CCNT2: variants seen among roughly 807,000 people sequenced by gnomAD.
CCNT2 encodes the protein cyclin-T2.
CCNT2 carries 18 observed loss-of-function variants against 70.0 expected under a neutral mutation model. The observed-to-expected ratio is 0.26, with a 90% CI of 0.18 to 0.38. The LOEUF (loss-of-function observed/expected upper bound fraction) is 0.38, where lower values mean the gene tolerates loss of function less well. Among genes scored for constraint, CCNT2 ranks in the 10% least tolerant of loss-of-function variants. CCNT2 has a pLI of 1.00. For missense variants in CCNT2, 734 were observed against 890.2 expected, an observed-to-expected ratio of 0.82 and a Z score of 2.23; for synonymous variants, 334 against 313.3, an observed-to-expected ratio of 1.07 and a Z score of -0.70.
rs1683077458 is a variant in CCNT2, at chr2:134,959,179, G to A, written c.*4531G>A. The A allele has an allele frequency of 6.6e-6, 1 of 151,528 alleles. No homozygotes were observed. The highest frequency in any genetic ancestry group is 1.5e-5 in the Non-Finnish European group (1 of 67,872). 9.4% of individuals were successfully genotyped at this position (151,528 alleles called of 1,614,324 possible). Reference sequence around the variant, plus strand: ...ATTTGTTGTAAACAGTGATTGTGGGGTTTCATTTTCTGAATGTACTCAAAA... The same window carrying A: ...ATTTGTTGTAAACAGTGATTGTGGGATTTCATTTTCTGAATGTACTCAAAA... On this transcript the variant is annotated 3_prime_UTR_variant, in exon 9 of 9. Coordinates refer to ENST00000264157, the MANE Select transcript of CCNT2 (RefSeq NM_058241.3).
chr2:134,949,276 C>G (rs1158892219), intron 7 of CCNT2, among the ~76,000 whole-genome samples: 2 of 152,182 alleles, frequency 1.3e-5, no homozygotes, highest in Non-Finnish European at 1.5e-5. Context: ...GCCTCTGTGC[C>G]CCACCTGATG....
At chr2:134,943,355 C>A in intron 5 of CCNT2, 2 of 795,078 alleles carry the variant, frequency 2.5e-6, no homozygotes, top group Non-Finnish European at 3.0e-6. Flanking sequence ...GAGCCCAGAT[C>A]ATGCCCCTGC....
At position 134,942,592 on chromosome 2, in the gene CCNT2, A is replaced by C. The variant is rs1326774742; in HGVS notation, c.431-20A>C. On this transcript the variant is annotated intron_variant, in intron 4 of 8. Transcript: ENST00000264157. ...ACTGTAGTGGTAAGAGATTGGAAAA[A>C]AAAGTGCTTATCATTTCAGGTTTTG... The C allele has an allele frequency of 1.2e-6, 2 of 1,603,402 alleles. No homozygotes were observed. Among genetic ancestry groups the C allele is most frequent in the Non-Finnish European group, 8.5e-7 (1 of 1,173,438 alleles).
intron 7 of CCNT2, among the ~76,000 whole-genome samples, chr2:134,949,448 A>C (rs1682267077): frequency 6.6e-6 from 1 of 152,222 alleles, no homozygotes. Context: ...ACTTTTGTTG[A>C]CAAAAATAGG....
rs764081676 is a variant in CCNT2, at chr2:134,953,451, A to C, written c.996A>C (p.Ser332=). The C allele has an allele frequency of 2.6e-5, 42 of 1,613,608 alleles. No homozygotes were observed. Among genetic ancestry groups the C allele is most frequent in the Non-Finnish European group, 3.4e-5 (40 of 1,179,718 alleles). Reference sequence around the variant, plus strand: ...ACAGCCATACATCTGATAATTTGTCAATGCTAGCAACAGGAATGCCAAGTA... The same window carrying C: ...ACAGCCATACATCTGATAATTTGTCCATGCTAGCAACAGGAATGCCAAGTA... ...VQDSHTSDNL[S]MLATGMPSTS... Residue 332 remains serine, a synonymous_variant, in exon 9 of 9, where the codon TCA becomes TCC. Transcript: ENST00000264157.
chr2:134,933,975 A>G (rs1680971373), intron 2 of CCNT2, among the ~76,000 whole-genome samples: 1 of 152,214 alleles, frequency 6.6e-6, no homozygotes, highest in African/African-American at 2.4e-5. Flanking sequence ...CACAGAGCCA[A>G]GATTCCACTT....
chr2:134,950,104 C>T (rs538386827), intron 7 of CCNT2, among the ~76,000 whole-genome samples: 2 of 152,134 alleles, frequency 1.3e-5, no homozygotes, highest in South Asian at 2.1e-4. Context: ...TAGGCATAAT[C>T]GTAATAAAAA....
chr2:134,954,042 T>G lies in CCNT2; in HGVS notation c.1587T>G (p.Val529=), dbSNP rs1682739609. The G allele has an allele frequency of 2.5e-6, 4 of 1,613,990 alleles. No homozygotes were observed. The highest frequency in any genetic ancestry group is 8.5e-7 in the Non-Finnish European group (1 of 1,180,020). ...AAGAACTGAAAATGAAAATAAAAGT[T>G]TCTTCTTCAGAAAGACACAGCTCTT... ...SKEELKMKIK[V]SSSERHSSSD... is the part of the protein sequence containing the mutation. The change falls in exon 9 of 9, where the codon GTT becomes GTG. Residue 529 remains valine, a synonymous_variant. Coordinates refer to ENST00000264157, the MANE Select transcript of CCNT2 (RefSeq NM_058241.3).
chr2:134,923,294 A>G (rs1680051011), intron 2 of CCNT2, among the ~76,000 whole-genome samples: 1 of 152,102 alleles, frequency 6.6e-6, no homozygotes, highest in African/African-American at 2.4e-5. Context: ...AAACAATAAT[A>G]ATAATAATAA....
chr2:134,945,723 C>G, intron 5 of CCNT2: 3 of 1,282,660 alleles, frequency 2.3e-6, no homozygotes, highest in South Asian at 1.3e-5. Flanking sequence ...GCAGGCAACT[C>G]TTTGTATTTT....
intron 2 of CCNT2, among the ~76,000 whole-genome samples, chr2:134,926,892 C>T (rs1331626034): frequency 6.6e-6 from 1 of 152,186 alleles, no homozygotes; most frequent in Non-Finnish European, 1.5e-5. Flanking sequence ...CAGAATTCTT[C>T]AGGTAAATCA....
At chr2:134,921,534 A>G (rs1046190233) in intron 2 of CCNT2, among the ~76,000 whole-genome samples, 8 of 151,898 alleles carry the variant, frequency 5.3e-5, no homozygotes, top group Non-Finnish European at 1.2e-4. Flanking sequence ...TTGTATTTTT[A>G]GTAGAGAGGG....
chr2:134,937,070 A>G, intron 3 of CCNT2, 101 bp downstream of exon 3: 4 of 734,028 alleles, frequency 5.4e-6, no homozygotes, highest in Admixed American at 2.9e-5. Flanking sequence ...GTGCCTTCCA[A>G]ATGCTGCTTG....
chr2:134,940,299 T>A (rs1221003773), intron 4 of CCNT2, among the ~76,000 whole-genome samples: 1 of 151,972 alleles, frequency 6.6e-6, no homozygotes, highest in Non-Finnish European at 1.5e-5. Context: ...ATTGGAAAAT[T>A]GGGAATTTGC....
intron 2 of CCNT2, chr2:134,920,397 T>C (rs1451621947): frequency 6.6e-6 from 1 of 152,444 alleles, no homozygotes; most frequent in African/African-American, 2.4e-5. Context: ...TTTCTGTTTA[T>C]CACGTTAGCA....
At position 134,919,800 on chromosome 2, in the gene CCNT2, T is replaced by TA. The variant is rs780209348; in HGVS notation, c.159-9dup. 18 of 1,596,690 alleles carry TA rather than the reference T, an allele frequency of 1.1e-5. No homozygotes were observed. Among genetic ancestry groups the TA allele is most frequent in the East Asian group, 2.3e-5 (1 of 44,282 alleles). The stretch of plus-strand genomic sequence containing the variant: ...CTTTTGTCAGATATTTCCTAAATAT[T>TA]ACGTTCCAGCTCTCAGCTTACAATA... On this transcript the variant is annotated splice_polypyrimidine_tract_variant and intron_variant, in intron 1 of 8. Coordinates refer to ENST00000264157, the MANE Select transcript of CCNT2 (RefSeq NM_058241.3).
At chr2:134,949,048 A>G (rs1453872006) in intron 7 of CCNT2, among the ~76,000 whole-genome samples, 1 of 140,798 alleles carries the variant, frequency 7.1e-6, no homozygotes, top group Non-Finnish European at 1.5e-5. Context: ...TGAGACAGAT[A>G]CTCACTCTGC....
At chr2:134,927,111 C>T (rs1680351007) in intron 2 of CCNT2, among the ~76,000 whole-genome samples, 1 of 152,118 alleles carries the variant, frequency 6.6e-6, no homozygotes, top group Non-Finnish European at 1.5e-5. Flanking sequence ...TATTAATAGG[C>T]ATTACAAAGA....
intron 7 of CCNT2, among the ~76,000 whole-genome samples, chr2:134,948,221 A>G (rs1033952552): frequency 6.6e-6 from 1 of 152,136 alleles, no homozygotes; most frequent in Non-Finnish European, 1.5e-5. Flanking sequence ...TGGGAGGCTG[A>G]GGCGGGATGA....
Sources: gnomAD v4.1 joint callset for allele counts (sites outside exome capture counted in the v4.1 genomes callset) on GRCh38, gnomAD v4.1.1 for gene constraint, MANE v1.5 for transcripts, NCBI Gene and HGNC (gene_info 2026-07-23, HGNC 2026-07-21) for gene names.